Variants in NALCN observed in about 807,000 individuals in gnomAD.
NALCN encodes sodium leak channel NALCN.
A neutral mutation model predicts 225.3 loss-of-function variants in NALCN; 111 were observed. The observed-to-expected ratio is 0.49, with a 90% CI of 0.42 to 0.58. The LOEUF is 0.58. Ranked by LOEUF, NALCN falls within the 20% of genes least tolerant of loss-of-function variation. The pLI is 0.00. For synonymous variants in NALCN, 764 were observed against 769.0 expected (o/e 0.99, Z 0.11); for missense variants, 1,378 against 2,202.4 (o/e 0.63, Z 7.49).
intron 7 of NALCN, among the ~76,000 whole-genome samples, chr13:101,320,522 T>C (rs918767768): frequency 6.6e-6 from 1 of 152,198 alleles, no homozygotes; most frequent in African/African-American, 2.4e-5. Flanking sequence ...TGTGCTATTA[T>C]TTGCAGTGCC....
intron 3 of NALCN, among the ~76,000 whole-genome samples, chr13:101,391,438 T>C (rs1464049115): frequency 6.6e-6 from 1 of 152,112 alleles, no homozygotes; most frequent in Admixed American, 6.5e-5. Flanking sequence ...ATCCCAGCAC[T>C]TTGGGAGGCC....
rs1025248204 is a variant in NALCN at position 101,334,175 on chromosome 13, C to A, written c.799+11091G>T. ...CATAAGGGTAAAACACACACAGGCA[C>A]GCACGTGTGCACACACACACACACA... On this transcript the variant is annotated intron_variant, in intron 7 of 43. Coordinates refer to ENST00000251127, the MANE Select transcript of NALCN (RefSeq NM_052867.4). Among the ~76,000 whole-genome samples, 5 of 146,090 alleles carry A rather than the reference C, an allele frequency of 3.4e-5. 1 individual carries two copies. The highest frequency in any genetic ancestry group is 2.2e-4 in the East Asian group (1 of 4,466).
chr13:101,380,730 A>G (rs1177026509), intron 3 of NALCN, among the ~76,000 whole-genome samples: 3 of 152,214 alleles, frequency 2.0e-5, no homozygotes, highest in Admixed American at 2.0e-4. Flanking sequence ...TTTATGGTGT[A>G]TGCAAAACTA....
chr13:101,145,838 T>A (rs2037320293), intron 15 of NALCN, among the ~76,000 whole-genome samples: 1 of 152,176 alleles, frequency 6.6e-6, no homozygotes, highest in Admixed American at 6.5e-5. Context: ...AAAGAGTACA[T>A]GTAATTCAGG....
At chr13:101,360,055 CTCTTTCTTTCTTTT>C (rs2046185136) in intron 6 of NALCN, among the ~76,000 whole-genome samples, 2 of 150,512 alleles carry the variant, frequency 1.3e-5, no homozygotes, top group Non-Finnish European at 2.9e-5. Flanking sequence ...TTTTCTTTTT[CTCTTTCTTTCTTTT>C]TCTTTCTTTC....
intron 13 of NALCN, among the ~76,000 whole-genome samples, chr13:101,211,651 T>TAC (rs35261846): frequency 8.2e-4 from 19 of 23,308 alleles, no homozygotes; most frequent in Non-Finnish European, 1.5e-3. Flanking sequence ...GACAATAAAC[T>TAC]ATATATATAT....
chr13:101,070,093 G>A (rs1234342812), intron 37 of NALCN, among the ~76,000 whole-genome samples: 2 of 93,016 alleles, frequency 2.2e-5, no homozygotes, highest in Non-Finnish European at 4.0e-5. Flanking sequence ...TTGAGACGGA[G>A]TCTCACTCTG....
chr13:101,208,086 C>G (rs1353180437), intron 13 of NALCN, among the ~76,000 whole-genome samples: 1 of 152,046 alleles, frequency 6.6e-6, no homozygotes, highest in African/African-American at 2.4e-5. Flanking sequence ...AAACAACTCC[C>G]AACAGGAGGA....
chr13:101,075,954 C>T lies in NALCN; in HGVS notation c.3886-13G>A, dbSNP rs1005725690. 2 of 1,602,380 alleles carry T rather than the reference C, an allele frequency of 1.2e-6. No homozygotes were observed. The highest frequency in any genetic ancestry group is 1.3e-5 in the African/African-American group (1 of 74,252). On this transcript the variant is annotated splice_polypyrimidine_tract_variant and intron_variant, in intron 34 of 43. Transcript: ENST00000251127. ...AAGTATATGCATTCTGAAATTTAAA[C>T]AGAAGACAGCTTCTCATAATTTGCA...
intron 14 of NALCN, among the ~76,000 whole-genome samples, chr13:101,189,576 T>C (rs191901276): frequency 4.1e-4 from 62 of 152,308 alleles, no homozygotes; most frequent in Non-Finnish European, 7.3e-4. Flanking sequence ...TATGTGAGTC[T>C]TCAGAAATCA....
chr13:101,148,425 A>T (rs977974368), intron 15 of NALCN, among the ~76,000 whole-genome samples: 1 of 152,138 alleles, frequency 6.6e-6, no homozygotes, highest in Admixed American at 6.5e-5. Context: ...TTCCTTATAG[A>T]TGCCAAACAC....
intron 7 of NALCN, among the ~76,000 whole-genome samples, chr13:101,310,831 C>G (rs1160742285): frequency 6.6e-6 from 1 of 151,990 alleles, no homozygotes; most frequent in Non-Finnish European, 1.5e-5. Flanking sequence ...AGTAAAGAAA[C>G]ACATTCACAT....
chr13:101,288,627 C>A (rs2043430222), intron 9 of NALCN, among the ~76,000 whole-genome samples: 1 of 152,200 alleles, frequency 6.6e-6, no homozygotes, highest in Admixed American at 6.5e-5. Context: ...TCAGAAAACA[C>A]ATGTCAGCAA....
intron 7 of NALCN, among the ~76,000 whole-genome samples, chr13:101,293,296 A>T (rs936422570): frequency 1.5e-4 from 23 of 152,224 alleles, no homozygotes; most frequent in Non-Finnish European, 3.2e-4. Flanking sequence ...CTGTGTTGTA[A>T]GGATTTAATG....
At chr13:101,127,057 C>T (rs917203135) in intron 17 of NALCN, among the ~76,000 whole-genome samples, 27 of 152,304 alleles carry the variant, frequency 1.8e-4, no homozygotes, top group African/African-American at 6.5e-4. Context: ...TGTTAGTTGT[C>T]TTTCCTTCAG....
intron 18 of NALCN, among the ~76,000 whole-genome samples, chr13:101,120,322 G>T (rs1032754977): frequency 6.6e-6 from 1 of 152,106 alleles, no homozygotes. Flanking sequence ...GGAAGGTAAA[G>T]CTGTTAAACA....
rs1179985661 is a variant in NALCN at position 101,188,571 on chromosome 13, C to G, written c.1764+3346G>C. Among the ~76,000 whole-genome samples, 5 of 151,436 alleles carry G rather than the reference C, an allele frequency of 3.3e-5. No individual in the cohort carries two copies. In the South Asian group the frequency reaches 6.2e-4, roughly 19 times the overall value. ...CTATATGTATACATATATATACACA[C>G]ACATATATATACATATATACACACA... On this transcript the variant is annotated intron_variant, in intron 14 of 43. Coordinates refer to ENST00000251127, the MANE Select transcript of NALCN (RefSeq NM_052867.4).
At chr13:101,211,571 A>C (rs909320995) in intron 13 of NALCN, among the ~76,000 whole-genome samples, 7 of 151,920 alleles carry the variant, frequency 4.6e-5, no homozygotes, top group Non-Finnish European at 8.8e-5. Context: ...GGAAAAAAAA[A>C]CCCTAATGTT....
chr13:101,202,068 TTAG>T (rs1239617868), intron 13 of NALCN, among the ~76,000 whole-genome samples: 1 of 152,172 alleles, frequency 6.6e-6, no homozygotes, highest in Non-Finnish European at 1.5e-5. Context: ...ACAGCAATAA[TTAG>T]TAGAATAGTT....
Sources: allele counts gnomAD v4.1 joint callset (sites outside exome capture counted in the v4.1 genomes callset), GRCh38; gene constraint gnomAD v4.1.1; transcripts MANE v1.5; gene names NCBI Gene and HGNC (gene_info 2026-07-23, HGNC 2026-07-21).